TCF12: variants seen among roughly 807,000 people sequenced by gnomAD.
TCF12 encodes transcription factor 12, also known as DNA-binding protein HTF4.
TCF12 carries 45 observed loss-of-function variants against 86.0 expected under a neutral mutation model. That is an observed-to-expected ratio of 0.52 (90% CI 0.41 to 0.67). TCF12 has a LOEUF of 0.67. Ranked by LOEUF, TCF12 falls within the 30% of genes least tolerant of loss-of-function variation. The pLI is 0.00. For missense variants in TCF12, 881 were observed against 859.9 expected (o/e 1.02, Z -0.31); for synonymous variants, 330 against 299.6 (o/e 1.10, Z -1.05).
intron 5 of TCF12, among the ~76,000 whole-genome samples, chr15:57,098,009 CAAAAAA>C (rs72046243): frequency 1.2e-4 from 6 of 48,410 alleles, no homozygotes; most frequent in African/African-American, 1.9e-4. Flanking sequence ...TACAAAAATA[CAAAAAA>C]AAAAAAAAAA....
intron 6 of TCF12, among the ~76,000 whole-genome samples, chr15:57,182,511 T>G (rs1034928820): frequency 6.6e-6 from 1 of 152,162 alleles, no homozygotes; most frequent in Non-Finnish European, 1.5e-5. Context: ...TAAAATATGG[T>G]CTTGTATTCT....
At chr15:57,123,994 TTTC>T (rs1242415451) in intron 5 of TCF12, among the ~76,000 whole-genome samples, 3 of 92,146 alleles carry the variant, frequency 3.3e-5, no homozygotes, top group South Asian at 3.4e-4. Context: ...TTTTTTTTTT[TTTC>T]CATAGGGACA....
intron 16 of TCF12, 70 bp downstream of exon 16, chr15:57,253,538 T>C (rs1243196325): frequency 1.3e-6 from 2 of 1,547,984 alleles, no homozygotes; most frequent in African/African-American, 2.7e-5. Flanking sequence ...TAATGAAATC[T>C]TTGGGAAGAG....
intron 18 of TCF12, among the ~76,000 whole-genome samples, chr15:57,265,125 TAGTATAGTATAAA>T (rs1220400823): frequency 9.6e-6 from 1 of 103,752 alleles, no homozygotes; most frequent in Non-Finnish European, 2.3e-5. Flanking sequence ...TAGTATAGTA[TAGTATAGTATAAA>T]TACATAAACC....
At chr15:57,278,798 C>T (rs906445953) in intron 19 of TCF12, 11 of 146,566 alleles carry the variant, frequency 7.5e-5, no homozygotes, top group Admixed American at 3.4e-4. Context: ...TCTCTCTCTC[C>T]GTCCCTGTCT....
At chr15:57,238,935 A>T (rs1289387832) in intron 12 of TCF12, among the ~76,000 whole-genome samples, 1 of 152,224 alleles carries the variant, frequency 6.6e-6, no homozygotes, top group African/African-American at 2.4e-5. Flanking sequence ...GTGACATTGG[A>T]ACTGAGCTTT....
intron 3 of TCF12, among the ~76,000 whole-genome samples, chr15:56,961,499 A>G (rs887998272): frequency 6.6e-6 from 1 of 152,254 alleles, no homozygotes; most frequent in South Asian, 2.1e-4. Flanking sequence ...TCCAGTATCT[A>G]GCACAGCATA....
At chr15:57,041,485 C>T (rs2066894066) in intron 3 of TCF12, among the ~76,000 whole-genome samples, 1 of 152,090 alleles carries the variant, frequency 6.6e-6, no homozygotes, top group Admixed American at 6.6e-5. Flanking sequence ...GTGATGAAAG[C>T]TAAAGTGTTC....
intron 16 of TCF12, among the ~76,000 whole-genome samples, chr15:57,257,143 A>G (rs2060382811): frequency 6.6e-6 from 1 of 152,220 alleles, no homozygotes; most frequent in South Asian, 2.1e-4. Flanking sequence ...TATTTACAAA[A>G]ACATAGGTCA....
intron 3 of TCF12, among the ~76,000 whole-genome samples, chr15:56,940,520 C>CCTT (rs1335218409): frequency 6.7e-6 from 1 of 149,154 alleles, no homozygotes; most frequent in Non-Finnish European, 1.5e-5. Context: ...TCCTCCTCCT[C>CCTT]CTTCTTCTTC....
Position 57,263,214 on chromosome 15 carries a change from T to C in TCF12, c.1685T>C (p.Met562Thr). 1 of 1,612,870 alleles carries C rather than the reference T, an allele frequency of 6.2e-7. No individual in the cohort carries two copies. Among genetic ancestry groups the C allele is most frequent in the Non-Finnish European group, 8.5e-7 (1 of 1,179,660 alleles). ...NLHEPPSSDD[M>T]KSDDESSQKD... ...CATGAACCTCCTTCATCAGATGACATGAAGTCAGATGATGAATCCTCCCAA... is the reference window on the plus strand; with the variant it reads ...CATGAACCTCCTTCATCAGATGACACGAAGTCAGATGATGAATCCTCCCAA... The change falls in exon 18 of 21, where the codon ATG (methionine) becomes ACG (threonine). Residue 562 changes from methionine (M) to threonine (T), a missense_variant. Met to Thr is a moderately conservative substitution (Grantham distance 81, BLOSUM62 -1). Around this residue, in one of 3 missense-constraint regions of TCF12, gnomAD observed 766 missense variants for 718.9 expected, o/e 1.07. Transcript: ENST00000333725.
At chr15:57,273,290 C>G in intron 19 of TCF12, 28 bp downstream of exon 19, 1 of 1,605,384 alleles carries the variant, frequency 6.2e-7, no homozygotes. Flanking sequence ...AGATGTATAA[C>G]TGTTCTGCTT....
chr15:56,943,751 T>C (rs1437635191), intron 3 of TCF12, among the ~76,000 whole-genome samples: 1 of 152,212 alleles, frequency 6.6e-6, no homozygotes, highest in African/African-American at 2.4e-5. Context: ...AATATAAAAA[T>C]TTGGTAAAGT....
chr15:57,268,838 T>G (rs1030017267), intron 18 of TCF12, among the ~76,000 whole-genome samples: 47 of 152,268 alleles, frequency 3.1e-4, no homozygotes, highest in Admixed American at 5.2e-4. Context: ...TACTTCTTTT[T>G]TTTTTTTCCT....
At chr15:57,015,777 G>C (rs11071302) in intron 3 of TCF12, among the ~76,000 whole-genome samples, 38,390 of 152,170 alleles carry the variant, frequency 0.25, 4,977 homozygotes, top group African/African-American at 0.29. Context: ...GACCTTGTTT[G>C]AAGTACTGTG....
chr15:57,197,886 A>G, intron 8 of TCF12, 61 bp downstream of exon 8: 1 of 1,545,770 alleles, frequency 6.5e-7, no homozygotes, highest in South Asian at 1.1e-5. Flanking sequence ...GTTCCGTATT[A>G]CCTTGCTACA....
chr15:57,284,623 T>C (rs2061853807), intron 20 of TCF12, among the ~76,000 whole-genome samples: 1 of 152,262 alleles, frequency 6.6e-6, no homozygotes, highest in Non-Finnish European at 1.5e-5. Context: ...AGGTAACTTA[T>C]GCTCAGGTCC....
chr15:57,106,893 CA>C (rs2050168359), intron 5 of TCF12, among the ~76,000 whole-genome samples: 1 of 152,120 alleles, frequency 6.6e-6, no homozygotes, highest in South Asian at 2.1e-4. Context: ...TTAAAACAAC[CA>C]AAATCCAAAA....
chr15:57,066,128 A>G (rs28626839), intron 4 of TCF12, among the ~76,000 whole-genome samples: 30 of 152,208 alleles, frequency 2.0e-4, no homozygotes, highest in African/African-American at 6.7e-4. Flanking sequence ...GCCAAGGAGA[A>G]CTTTATGGTT....
Sources: gnomAD v4.1 joint callset for allele counts (sites outside exome capture counted in the v4.1 genomes callset) on GRCh38, gnomAD v4.1.1 for gene constraint, gnomAD v4.1.1 regional missense constraint, MANE v1.5 for transcripts, NCBI Gene and HGNC (gene_info 2026-07-23, HGNC 2026-07-21) for gene names.